Variants in PRKAG2 observed in about 807,000 individuals in gnomAD.
PRKAG2 encodes protein kinase AMP-activated non-catalytic subunit gamma 2, also known as 5'-AMP-activated protein kinase subunit gamma-2.
PRKAG2 carries 26 observed loss-of-function variants against 69.6 expected under a neutral mutation model. That is an observed-to-expected ratio of 0.37 (90% confidence interval 0.27 to 0.52). PRKAG2 has a LOEUF of 0.52. Ranked by LOEUF, PRKAG2 falls within the 20% of genes least tolerant of loss-of-function variation. The pLI is 0.90. For missense variants in PRKAG2, 557 were observed against 740.0 expected (o/e 0.75, Z 2.87); for synonymous variants, 293 against 285.0 (o/e 1.03, Z -0.28).
intron 6 of PRKAG2, among the ~76,000 whole-genome samples, chr7:151,592,149 C>A (rs1045257985): frequency 2.6e-5 from 4 of 152,192 alleles, no homozygotes; most frequent in African/African-American, 9.6e-5. Context: ...CACCCAGACT[C>A]GGGGGAGCTC....
intron 1 of PRKAG2, among the ~76,000 whole-genome samples, chr7:151,811,749 G>A (rs1390683662): frequency 2.0e-5 from 3 of 152,190 alleles, no homozygotes; most frequent in South Asian, 2.1e-4. Flanking sequence ...AGCCTTGAAC[G>A]AGCCACTTAC....
At chr7:151,701,308 A>C (rs1301572672) in intron 3 of PRKAG2, among the ~76,000 whole-genome samples, 1 of 152,206 alleles carries the variant, frequency 6.6e-6, no homozygotes, top group African/African-American at 2.4e-5. Context: ...TCAGCTCCTT[A>C]GTTGCTGTTA....
rs1837247629 is a variant in PRKAG2 at position 151,699,218 on chromosome 7, T to C, written c.467-23581A>G. Among the ~76,000 whole-genome samples the C allele has an allele frequency of 6.6e-6, 1 of 152,240 alleles. No homozygotes were observed. Among genetic ancestry groups the C allele is most frequent in the African/African-American group, 2.4e-5 (1 of 41,470 alleles). ...AAGCTGTGAAAGCTAAACTGCACTGTAGTTGGAGACTCTTGAGAAACCGAA... is the reference window on the plus strand; with the variant it reads ...AAGCTGTGAAAGCTAAACTGCACTGCAGTTGGAGACTCTTGAGAAACCGAA... On this transcript the variant is annotated intron_variant, in intron 3 of 15. Transcript: ENST00000287878. The surrounding 1 kb of genome is among the most constrained non-coding windows in gnomAD (Gnocchi z 4.5).
In PRKAG2 at chr7:151,583,673, A is replaced by G. The variant is rs956462952; in HGVS notation, c.865-7221T>C. The stretch of plus-strand genomic sequence containing the variant: ...CACAATCTAGTTCTAATTTGCAGGA[A>G]GAAACCGCTCAGGGATCTTGAGTAC... On this transcript the variant is annotated intron_variant, in intron 6 of 15. Transcript: ENST00000287878. The surrounding 1 kb of genome is among the most constrained non-coding windows in gnomAD (Gnocchi z 4.1). 6.6e-6 allele frequency among the ~76,000 whole-genome samples: 1 copy of G among 152,238 alleles called. No homozygotes were observed. Among genetic ancestry groups the G allele is most frequent in the East Asian group, 1.9e-4 (1 of 5,206 alleles).
chr7:151,580,313 C>G (rs1810061401), intron 6 of PRKAG2, among the ~76,000 whole-genome samples: 1 of 152,126 alleles, frequency 6.6e-6, no homozygotes, highest in Non-Finnish European at 1.5e-5. Flanking sequence ...TGCCACTGTA[C>G]TCCAGCCTGG....
chr7:151,738,446 A>C (rs1057360459), intron 3 of PRKAG2, among the ~76,000 whole-genome samples: 1 of 152,266 alleles, frequency 6.6e-6, no homozygotes, highest in Non-Finnish European at 1.5e-5. Context: ...AACTGGCCAT[A>C]AACAAAATCT....
At chr7:151,687,454 A>G (rs1311362608) in intron 3 of PRKAG2, among the ~76,000 whole-genome samples, 2 of 152,224 alleles carry the variant, frequency 1.3e-5, no homozygotes, top group African/African-American at 4.8e-5. Flanking sequence ...AATGAAAGGG[A>G]AATGTTAGCA....
At chr7:151,667,211 C>T (rs550744816) in intron 4 of PRKAG2, among the ~76,000 whole-genome samples, 1 of 152,310 alleles carries the variant, frequency 6.6e-6, no homozygotes, top group South Asian at 2.1e-4. Flanking sequence ...CACAACTTCA[C>T]CCTCTGCCCA....
At position 151,807,473 on chromosome 7, in the gene PRKAG2, A is replaced by G; in HGVS notation, c.115-20932T>C. On this transcript the variant is annotated intron_variant, in intron 1 of 15. Transcript: ENST00000287878. This position sits in a 1 kb window ranked among gnomAD's most constrained non-coding sequence, Gnocchi z 4.4. ...ATTGGCCTCTTGGTGCCAAAGCACC[A>G]TGGCGTGTTACACCTATCAGATCGG... The G allele has an allele frequency of 2.2e-6, 1 of 457,902 alleles. No homozygotes were observed. Among genetic ancestry groups the G allele is most frequent in the South Asian group, 1.5e-5 (1 of 64,568 alleles). The allele number at this position is 457,902 out of a possible 1,614,324, so 28.4% of individuals were successfully genotyped here. A position where few individuals can be genotyped will look rare whatever the true frequency, so the allele number is the denominator to read the frequency against.
rs2076607301 is a variant in PRKAG2, at chr7:151,780,431, TAA to T, written c.466+719_466+720del. Among the ~76,000 whole-genome samples, 1 of 152,202 alleles carries T rather than the reference TAA, an allele frequency of 6.6e-6. No homozygotes were observed. Among genetic ancestry groups the T allele is most frequent in the Non-Finnish European group, 1.5e-5 (1 of 68,040 alleles). On this transcript the variant is annotated intron_variant, in intron 3 of 15. Coordinates refer to ENST00000287878, the MANE Select transcript of PRKAG2 (RefSeq NM_016203.4). This position sits in a 1 kb window ranked among gnomAD's most constrained non-coding sequence, Gnocchi z 4.2. ...ACTATCTTCCCCAATACAAATGTTC[TAA>T]GTCAGTAGAAAGAACTGGAAAGAAT...
At chr7:151,590,242 T>A (rs1812722484) in intron 6 of PRKAG2, among the ~76,000 whole-genome samples, 1 of 152,148 alleles carries the variant, frequency 6.6e-6, no homozygotes, top group South Asian at 2.1e-4. Flanking sequence ...TGAGAAAACC[T>A]CAAGCCCAGG....
intron 6 of PRKAG2, among the ~76,000 whole-genome samples, chr7:151,578,515 C>T (rs961701197): frequency 6.6e-6 from 1 of 152,148 alleles, no homozygotes; most frequent in Non-Finnish European, 1.5e-5. Flanking sequence ...CATGCATGTA[C>T]CTAGTTCACC....
intron 3 of PRKAG2, among the ~76,000 whole-genome samples, chr7:151,690,257 C>T (rs910120917): frequency 3.9e-5 from 6 of 152,288 alleles, no homozygotes; most frequent in Non-Finnish European, 7.4e-5. Context: ...CTTGGAATTC[C>T]TAATGCTGCC....
intron 1 of PRKAG2, among the ~76,000 whole-genome samples, chr7:151,844,231 A>C (rs10236110): frequency 2.4e-4 from 37 of 152,182 alleles, no homozygotes; most frequent in African/African-American, 7.5e-4. Context: ...ACTACAGACC[A>C]CAGGCAGGCC....
intron 5 of PRKAG2, among the ~76,000 whole-genome samples, chr7:151,612,273 G>T (rs1472678253): frequency 6.6e-6 from 1 of 152,212 alleles, no homozygotes; most frequent in Non-Finnish European, 1.5e-5. Context: ...ACTGCAGAGT[G>T]AGCGTCAGCT....
At chr7:151,855,090 A>C (rs1586728058) in intron 1 of PRKAG2, among the ~76,000 whole-genome samples, 1 of 42,712 alleles carries the variant, frequency 2.3e-5, no homozygotes, top group African/African-American at 1.5e-4. Context: ...CTCCACACAC[A>C]CCATCCTCCA....
intron 6 of PRKAG2, among the ~76,000 whole-genome samples, chr7:151,586,478 C>T (rs567822866): frequency 4.6e-5 from 7 of 152,298 alleles, no homozygotes; most frequent in Admixed American, 1.3e-4. Context: ...ACCTCTTCTC[C>T]GCAACTCCTC....
Position 151,699,678 on chromosome 7 carries a change from G to A in PRKAG2, c.467-24041C>T, listed in dbSNP as rs186725076. ...CTTGGGGTAACAGAACCCAGCCTACGGGCCAGAAAGAAATGCATGAGCCAT... is the reference window on the plus strand; with the variant it reads ...CTTGGGGTAACAGAACCCAGCCTACAGGCCAGAAAGAAATGCATGAGCCAT... On this transcript the variant is annotated intron_variant, in intron 3 of 15. Coordinates refer to ENST00000287878, the MANE Select transcript of PRKAG2 (RefSeq NM_016203.4). The surrounding 1 kb of genome is among the most constrained non-coding windows in gnomAD (Gnocchi z 4.5). Among the ~76,000 whole-genome samples, 300 of 152,288 alleles carry A rather than the reference G, an allele frequency of 2.0e-3. No individual in the cohort carries two copies. Among genetic ancestry groups the A allele is most frequent in the Middle Eastern group, 3.4e-3 (1 of 294 alleles).
intron 3 of PRKAG2, among the ~76,000 whole-genome samples, chr7:151,752,856 C>A (rs993287369): frequency 6.6e-6 from 1 of 152,226 alleles, no homozygotes; most frequent in Non-Finnish European, 1.5e-5. Flanking sequence ...CCCCCTGAAG[C>A]CCTGACTGGT....
Sources: allele counts gnomAD v4.1 joint callset (sites outside exome capture counted in the v4.1 genomes callset), GRCh38; gene constraint gnomAD v4.1.1; non-coding constraint Gnocchi (gnomAD v3.1); transcripts MANE v1.5; gene names NCBI Gene and HGNC (gene_info 2026-07-23, HGNC 2026-07-21).